Variants in B3GALT1 observed in about 807,000 individuals in gnomAD.
The protein encoded by B3GALT1 is beta-1,3-galactosyltransferase 1.
A neutral mutation model predicts 23.2 loss-of-function variants in B3GALT1; 10 were observed. That is an observed-to-expected ratio of 0.43 (90% CI 0.27 to 0.73). B3GALT1 has a LOEUF of 0.73. Ranked by LOEUF, B3GALT1 falls within the 30% of genes least tolerant of loss-of-function variation. B3GALT1 has a pLI of 0.21. For missense variants in B3GALT1, 299 were observed against 405.4 expected (o/e 0.74, Z 2.25); for synonymous variants, 156 against 141.5 (o/e 1.10, Z -0.73).
At chr2:167,458,634 G>A (rs1429211544) in intron 1 of B3GALT1, among the ~76,000 whole-genome samples, 3 of 152,126 alleles carry the variant, frequency 2.0e-5, no homozygotes, top group Non-Finnish European at 4.4e-5. Context: ...CTGTGGTTTT[G>A]ATAGTGGCCA....
In B3GALT1 at chr2:167,450,813, T is replaced by C. The variant is rs138582640; in HGVS notation, c.-510-39364T>C. On this transcript the variant is annotated intron_variant, in intron 1 of 4. Transcript: ENST00000392690. ...TTTCCAAACTTTTAGATTTCTTTTCTTCATCAGGAACATCAATTATTCTTA... is the reference window on the plus strand; with the variant it reads ...TTTCCAAACTTTTAGATTTCTTTTCCTCATCAGGAACATCAATTATTCTTA... Among the ~76,000 whole-genome samples, 599 of 152,326 alleles carry C rather than the reference T, an allele frequency of 3.9e-3. 4 individuals are homozygous for C. Among genetic ancestry groups the C allele is most frequent in the South Asian group, 0.014 (68 of 4,830 alleles).
intron 2 of B3GALT1, among the ~76,000 whole-genome samples, chr2:167,582,683 C>T (rs1472693564): frequency 9.9e-5 from 15 of 152,070 alleles, no homozygotes; most frequent in South Asian, 2.1e-4. Context: ...TGGTTAGGAG[C>T]GGTCCTCTAA....
chr2:167,581,048 A>G (rs939703631), intron 2 of B3GALT1, among the ~76,000 whole-genome samples: 1 of 152,160 alleles, frequency 6.6e-6, no homozygotes, highest in African/African-American at 2.4e-5. Context: ...TATAAGAAAT[A>G]CCTTATTTAT....
intron 4 of B3GALT1, among the ~76,000 whole-genome samples, chr2:167,822,141 C>G (rs1338088143): frequency 6.6e-6 from 1 of 152,138 alleles, no homozygotes; most frequent in Non-Finnish European, 1.5e-5. Context: ...ATTATGTAGA[C>G]TAGAATGTCA....
At chr2:167,313,274 A>G (rs1405228662) in intron 1 of B3GALT1, among the ~76,000 whole-genome samples, 1 of 152,086 alleles carries the variant, frequency 6.6e-6, no homozygotes. Context: ...TTTTTATAGA[A>G]GAAGGCAGAG....
Position 167,744,690 on chromosome 2 carries a change from C to T in B3GALT1, c.-351-73982C>T, listed in dbSNP as rs990072646. 4.6e-5 allele frequency among the ~76,000 whole-genome samples: 7 copies of T among 152,080 alleles called. No individual in the cohort carries two copies. In the South Asian group the frequency reaches 1.2e-3, roughly 27 times the overall value. On this transcript the variant is annotated intron_variant, in intron 3 of 4. Transcript: ENST00000392690. ...CACTGCAACCTCCACCTCCCGAGTT[C>T]AAGCGATTCTCCTGCATCAGCCTCC... is the stretch of plus-strand genomic sequence containing the variant.
At chr2:167,369,076 TG>T (rs1416378837) in intron 1 of B3GALT1, among the ~76,000 whole-genome samples, 2 of 9,918 alleles carry the variant, frequency 2.0e-4, no homozygotes, top group Non-Finnish European at 3.0e-3. Context: ...TGTGTGTGTG[TG>T]TGTGTGTGTG....
chr2:167,566,448 A>G (rs982169899), intron 2 of B3GALT1, among the ~76,000 whole-genome samples: 1 of 152,016 alleles, frequency 6.6e-6, no homozygotes, highest in Non-Finnish European at 1.5e-5. Flanking sequence ...ACATGTATAC[A>G]TATGTAACTA....
intron 2 of B3GALT1, among the ~76,000 whole-genome samples, chr2:167,497,978 T>TA (rs1266184817): frequency 2.6e-5 from 4 of 151,928 alleles, no homozygotes; most frequent in African/African-American, 7.2e-5. Flanking sequence ...TGTCTTTGGT[T>TA]AAAAAAAAGT....
chr2:167,508,257 AAT>A (rs1491489465), intron 2 of B3GALT1, among the ~76,000 whole-genome samples: 1 of 124,690 alleles, frequency 8.0e-6, no homozygotes, highest in Middle Eastern at 4.0e-3. Context: ...TATTTTTATT[AAT>A]TTTTTTTTTT....
intron 3 of B3GALT1, among the ~76,000 whole-genome samples, chr2:167,679,096 G>GTTTTTGTTTTTGTT (rs1319793690): frequency 1.4e-5 from 2 of 145,204 alleles, no homozygotes; most frequent in African/African-American, 5.0e-5. Flanking sequence ...ATTGTTTTTT[G>GTTTTTGTTTTTGTT]TTTTTGTTTT....
chr2:167,532,119 T>C (rs912577125), intron 2 of B3GALT1, among the ~76,000 whole-genome samples: 1 of 152,194 alleles, frequency 6.6e-6, no homozygotes, highest in African/African-American at 2.4e-5. Flanking sequence ...TTGAACATTT[T>C]CTCCTGTTTG....
At chr2:167,552,511 T>C (rs1683766772) in intron 2 of B3GALT1, among the ~76,000 whole-genome samples, 1 of 152,142 alleles carries the variant, frequency 6.6e-6, no homozygotes, top group African/African-American at 2.4e-5. Flanking sequence ...TTTAAAACAT[T>C]TGATATGTTT....
intron 2 of B3GALT1, among the ~76,000 whole-genome samples, chr2:167,513,159 G>C (rs1471786834): frequency 6.7e-6 from 1 of 148,678 alleles, no homozygotes; most frequent in African/African-American, 2.5e-5. Flanking sequence ...GAAGTTAAAT[G>C]ACACATGAAG....
intron 1 of B3GALT1, among the ~76,000 whole-genome samples, chr2:167,303,387 G>T (rs1696483183): frequency 6.6e-6 from 1 of 152,066 alleles, no homozygotes; most frequent in South Asian, 2.1e-4. Context: ...CGTGGTGTTT[G>T]TAATTGTTAA....
intron 1 of B3GALT1, among the ~76,000 whole-genome samples, chr2:167,483,595 A>G (rs1450202210): frequency 6.6e-6 from 1 of 152,226 alleles, no homozygotes; most frequent in East Asian, 1.9e-4. Flanking sequence ...CTACAAATAG[A>G]TGAAAAACTG....
intron 3 of B3GALT1, among the ~76,000 whole-genome samples, chr2:167,720,061 G>T (rs1407276304): frequency 6.6e-6 from 1 of 152,062 alleles, no homozygotes; most frequent in Non-Finnish European, 1.5e-5. Context: ...CTAGTGTGTG[G>T]TTTCCTTTAC....
At chr2:167,606,606 G>A (rs1025691620) in intron 2 of B3GALT1, among the ~76,000 whole-genome samples, 5 of 151,480 alleles carry the variant, frequency 3.3e-5, no homozygotes, top group African/African-American at 1.2e-4. Context: ...TTATGAAAGA[G>A]AGATATAGAA....
Position 167,296,434 on chromosome 2 carries a change from G to A in B3GALT1, c.-511+3100G>A, listed in dbSNP as rs1278574013. ...GGGAATTAAAAACTTCAACTGGTTA[G>A]TAAATCAGAAGTTCATTCTCATTTT... On this transcript the variant is annotated intron_variant, in intron 1 of 4. Coordinates refer to ENST00000392690, the MANE Select transcript of B3GALT1 (RefSeq NM_020981.4). Among the ~76,000 whole-genome samples the A allele has an allele frequency of 2.0e-5, 3 of 152,136 alleles. No individual in the cohort carries two copies. The East Asian group carries it at 5.8e-4, about 29-fold the overall frequency.
Sources: allele counts gnomAD v4.1 joint callset (sites outside exome capture counted in the v4.1 genomes callset), GRCh38; gene constraint gnomAD v4.1.1; transcripts MANE v1.5; gene names NCBI Gene and HGNC (gene_info 2026-07-23, HGNC 2026-07-21).